MAP3K15: variants seen among roughly 807,000 people sequenced by gnomAD.
MAP3K15 encodes the protein MAPK/ERK kinase kinase 15.
MAP3K15 carries 124 observed loss-of-function variants against 99.5 expected under a neutral mutation model. The observed-to-expected ratio is 1.25, with a 90% CI of 1.08 to 1.45. The LOEUF is 1.45. Among genes scored for constraint, MAP3K15 ranks in the 40% most tolerant of loss-of-function variants. The probability of loss-of-function intolerance (pLI) is 0.00; values close to 1 mark genes in which losing one functional copy is unlikely to be tolerated. For missense variants in MAP3K15, 1,242 were observed against 1,079.7 expected (o/e 1.15, Z -2.11); for synonymous variants, 494 against 439.6 (o/e 1.12, Z -1.55).
intron 19 of MAP3K15, among the ~76,000 whole-genome samples, chrX:19,375,551 G>T (rs1026014303): frequency 8.9e-6 from 1 of 112,073 alleles, no homozygotes; most frequent in African/African-American, 3.2e-5. Context: ...TTCCCAGTAG[G>T]GTGGCCCTCT....
intron 6 of MAP3K15, 149 bp downstream of exon 6, chrX:19,456,764 T>A (rs2064096174): frequency 2.4e-6 from 1 of 416,970 alleles, no homozygotes; most frequent in Middle Eastern, 3.7e-4. Context: ...AAATACAAAG[T>A]CCCTGAGGAC....
chrX:19,420,533 A>C (rs1419876766), intron 9 of MAP3K15, among the ~76,000 whole-genome samples: 1 of 111,605 alleles, frequency 9.0e-6, no homozygotes, highest in Admixed American at 9.5e-5. Context: ...TCTGAAATTG[A>C]GGCAATAATA....
At chrX:19,490,459 G>A (rs180964704) in intron 1 of MAP3K15, among the ~76,000 whole-genome samples, 129 of 110,503 alleles carry the variant, frequency 1.2e-3, no homozygotes, top group African/African-American at 3.3e-3. Flanking sequence ...AACATATAAC[G>A]TGCCCTGGCT....
intron 1 of MAP3K15, among the ~76,000 whole-genome samples, chrX:19,512,345 C>T (rs756193145): frequency 8.9e-6 from 1 of 111,921 alleles, no homozygotes; most frequent in East Asian, 2.8e-4. Context: ...ATACTTGGGC[C>T]GTTCAACAGT....
At chrX:19,446,135 T>C (rs1434092210) in intron 6 of MAP3K15, among the ~76,000 whole-genome samples, 3 of 111,520 alleles carry the variant, frequency 2.7e-5, no homozygotes, top group Non-Finnish European at 5.6e-5. Context: ...AAATCTTTTA[T>C]TGTTTAAGGA....
Position 19,392,053 on chromosome X carries a change from C to A in MAP3K15, c.2380G>T (p.Gly794Ter). 1 of 1,211,362 alleles carries A rather than the reference C, an allele frequency of 8.3e-7. No individual in the cohort carries two copies. The highest frequency in any genetic ancestry group is 1.1e-6 in the Non-Finnish European group (1 of 895,036). The change falls in exon 18 of 29, where the codon GGA becomes TGA. Residue 794 changes from glycine (G) to a stop codon, truncating the protein, a stop_gained. Coordinates refer to ENST00000338883, the MANE Select transcript of MAP3K15 (RefSeq NM_001001671.4). LOFTEE classifies it high-confidence loss of function. ...YSGVVKISDFGTSKRLAGVNP... is the reference protein window; with the variant it reads ...YSGVVKISDF Reference sequence around the variant, plus strand: ...ACACCCGCAAGACGTTTCGAGGTTCCAAAATCGGAGATTTTCACCACTCCG... The same window carrying A: ...ACACCCGCAAGACGTTTCGAGGTTCAAAAATCGGAGATTTTCACCACTCCG...
At chrX:19,370,203 T>C (rs927587565) in intron 24 of MAP3K15, among the ~76,000 whole-genome samples, 2 of 111,538 alleles carry the variant, frequency 1.8e-5, no homozygotes, top group African/African-American at 6.5e-5. Context: ...TTTGGTAACA[T>C]TTCAAAAAGG....
intron 18 of MAP3K15, among the ~76,000 whole-genome samples, chrX:19,389,627 TCCGTG>T (rs1411331845): frequency 8.9e-6 from 1 of 112,363 alleles, no homozygotes; most frequent in Admixed American, 9.4e-5. Flanking sequence ...CAATGCAAAA[TCCGTG>T]CCTCCCCAAG....
chrX:19,424,214 ATACACACATATATG>A (rs1309358056), intron 9 of MAP3K15, among the ~76,000 whole-genome samples: 4 of 104,861 alleles, frequency 3.8e-5, no homozygotes, highest in Non-Finnish European at 7.6e-5. Flanking sequence ...ACACACATAT[ATACACACATATATG>A]TACACACATA....
intron 1 of MAP3K15, among the ~76,000 whole-genome samples, chrX:19,504,955 CAAA>C (rs778010766): frequency 7.7e-5 from 4 of 51,808 alleles, no homozygotes; most frequent in Admixed American, 2.7e-4. Flanking sequence ...GACCTCCTCT[CAAA>C]AAAAAAAAAA....
At chrX:19,363,445 G>A (rs1217134887) in intron 25 of MAP3K15, among the ~76,000 whole-genome samples, 3 of 111,721 alleles carry the variant, frequency 2.7e-5, no homozygotes, top group Admixed American at 1.9e-4. Context: ...TAGCCTGAAC[G>A]CACTCAGGCA....
chrX:19,409,940 A>C lies in MAP3K15; in HGVS notation c.1732T>G (p.Ser578Ala). Reference protein sequence around the residue: ...QMHEWNFTASSIKGISLSKFD... With the variant: ...QMHEWNFTASAIKGISLSKFD... ...TGTTCTTACCTTATTCCCTTTATGG[A>C]AGAGGCTGTAAAATTCCATTCGTGC... is the stretch of plus-strand genomic sequence containing the variant. Residue 578 changes from serine (S) to alanine (A), a missense_variant, in exon 12 of 29, where the codon TCC becomes GCC. Coordinates refer to ENST00000338883, the MANE Select transcript of MAP3K15 (RefSeq NM_001001671.4). 8.3e-7 allele frequency: 1 copy of C among 1,203,044 alleles called. No homozygotes were observed. Among genetic ancestry groups the C allele is most frequent in the Admixed American group, 2.2e-5 (1 of 45,936 alleles).
At position 19,443,072 on chromosome X, in the gene MAP3K15, G is replaced by A. The variant is rs1185227551; in HGVS notation, c.996-11464C>T. On this transcript the variant is annotated intron_variant, in intron 6 of 28. Coordinates refer to ENST00000338883, the MANE Select transcript of MAP3K15 (RefSeq NM_001001671.4). ...TTTTGAGATGGAGTCTCGCTCTGTC[G>A]CCCAGACTGGACTGCAGTGGCACAA... Among the ~76,000 whole-genome samples, 11 of 74,975 alleles carry A rather than the reference G, an allele frequency of 1.5e-4. No homozygotes were observed. In the East Asian group the frequency reaches 4.0e-3, roughly 27 times the overall value. 65.1% of individuals were successfully genotyped at this position (74,975 alleles called of 115,157 possible).
intron 1 of MAP3K15, among the ~76,000 whole-genome samples, chrX:19,511,998 A>G (rs1429698589): frequency 8.9e-6 from 1 of 112,008 alleles, no homozygotes; most frequent in Non-Finnish European, 1.9e-5. Context: ...ATGAAAAAGG[A>G]TGAGTTCATG....
intron 3 of MAP3K15, among the ~76,000 whole-genome samples, chrX:19,481,264 G>A (rs1200792929): frequency 9.2e-6 from 1 of 109,045 alleles, no homozygotes; most frequent in Non-Finnish European, 1.9e-5. Context: ...ATGATTCAAA[G>A]ATGACAAGAC....
chrX:19,412,983 G>A (rs948577024), intron 11 of MAP3K15, among the ~76,000 whole-genome samples: 2 of 109,753 alleles, frequency 1.8e-5, no homozygotes, highest in African/African-American at 3.3e-5. Flanking sequence ...CAAGCAACCC[G>A]CCTGCCTTGG....
chrX:19,440,906 A>C (rs1242522536), intron 6 of MAP3K15, among the ~76,000 whole-genome samples: 1 of 112,455 alleles, frequency 8.9e-6, no homozygotes, highest in Non-Finnish European at 1.9e-5. Context: ...CACGAGACTG[A>C]CTTGTGGCCG....
chrX:19,504,862 G>A (rs1460531833), intron 1 of MAP3K15, among the ~76,000 whole-genome samples: 1 of 107,967 alleles, frequency 9.3e-6, no homozygotes, highest in Non-Finnish European at 1.9e-5. Flanking sequence ...AGGCTGAGGT[G>A]GGAGGATCAC....
intron 4 of MAP3K15, among the ~76,000 whole-genome samples, chrX:19,460,458 AAC>A (rs768802325): frequency 8.9e-6 from 1 of 112,491 alleles, no homozygotes; most frequent in African/African-American, 3.2e-5. Context: ...GGCATTTTCA[AAC>A]ATATAGAGGG....
Sources: allele counts gnomAD v4.1 joint callset (sites outside exome capture counted in the v4.1 genomes callset), GRCh38; gene constraint gnomAD v4.1.1; transcripts MANE v1.5; gene names NCBI Gene and HGNC (gene_info 2026-07-23, HGNC 2026-07-21).